The following DNAH17 variants were observed in gnomAD, a reference collection of about 807,000 sequenced individuals.
DNAH17 encodes dynein axonemal heavy chain 17, also known as axonemal beta dynein heavy chain 17.
A neutral mutation model predicts 485.6 loss-of-function variants in DNAH17; 376 were observed. That is an observed-to-expected ratio of 0.77 (90% CI 0.71 to 0.84). DNAH17 has a LOEUF of 0.84. Ranked by LOEUF, DNAH17 falls within the 40% of genes least tolerant of loss-of-function variation. The pLI is 0.00. For missense variants in DNAH17, 6,370 were observed against 5,839.3 expected (o/e 1.09, Z -2.96); for synonymous variants, 3,031 against 2,405.9 (o/e 1.26, Z -7.60).
chr17:78,555,930 A>C (rs1455102463), intron 14 of DNAH17, among the ~76,000 whole-genome samples: 1 of 152,184 alleles, frequency 6.6e-6, no homozygotes, highest in African/African-American at 2.4e-5. Context: ...GATTTACACC[A>C]TCTGTTCCCC....
At position 78,470,013 on chromosome 17, in the gene DNAH17, G is replaced by C. The variant is rs115305547; in HGVS notation, c.8512-1130C>G. On this transcript the variant is annotated intron_variant, in intron 54 of 80. Transcript: ENST00000389840. ...ACAGTGGTGATGGTCACACAACAGT[G>C]TGAATGTGCTTCATGCCACCGAACT... Among the ~76,000 whole-genome samples, 985 of 150,502 alleles carry C rather than the reference G, an allele frequency of 6.5e-3. 12 individuals carry two copies. Among genetic ancestry groups the C allele is most frequent in the African/African-American group, 0.022 (899 of 41,096 alleles).
At position 78,495,095 on chromosome 17, in the gene DNAH17, G is replaced by A; in HGVS notation, c.5906C>T (p.Pro1969Leu). 3 of 1,603,626 alleles carry A rather than the reference G, an allele frequency of 1.9e-6. No individual in the cohort carries two copies. Among genetic ancestry groups the A allele is most frequent in the Non-Finnish European group, 2.6e-6 (3 of 1,174,768 alleles). ...GAAGTCGGGGACGACCATGGCACAG[G>A]GCCTGGGGAGGTCAGCGGTGCCTGT... ...LPENLKALFR[P>L]CAMVVPDFEL... is the part of the protein sequence containing the mutation. The change falls in exon 39 of 81, where the codon CCC (proline) becomes CTC (leucine). Residue 1969 changes from proline (P) to leucine (L), a missense_variant and splice_region_variant. Coordinates refer to ENST00000389840, the MANE Select transcript of DNAH17 (RefSeq NM_173628.4).
At chr17:78,478,226 T>TCACCATCAC (rs2089168789) in intron 51 of DNAH17, among the ~76,000 whole-genome samples, 1 of 87,858 alleles carries the variant, frequency 1.1e-5, no homozygotes, top group Non-Finnish European at 2.2e-5. Flanking sequence ...CATCACCACA[T>TCACCATCAC]CACCATCACC....
At chr17:78,428,264 TC>T in intron 77 of DNAH17, 1 of 520,678 alleles carries the variant, frequency 1.9e-6, no homozygotes, top group Admixed American at 3.1e-5. Flanking sequence ...GCTGGGATGC[TC>T]TTGGAGCCGC....
intron 14 of DNAH17, among the ~76,000 whole-genome samples, chr17:78,554,222 T>A (rs2091969675): frequency 6.6e-6 from 1 of 151,952 alleles, no homozygotes; most frequent in South Asian, 2.1e-4. Context: ...GGCAGATCAC[T>A]TAAGGTCAGG....
chr17:78,499,300 G>A (rs560115319), intron 36 of DNAH17, 188 bp from the exon 37 acceptor site: 3 of 428,822 alleles, frequency 7.0e-6, no homozygotes, highest in East Asian at 7.2e-5. Flanking sequence ...ACCGTGGAGG[G>A]CTGGACACGA....
chr17:78,558,536 T>TGACATCACCCTCATGGGTGGAG (rs2092080446), intron 13 of DNAH17, among the ~76,000 whole-genome samples: 2 of 151,496 alleles, frequency 1.3e-5, no homozygotes, highest in Non-Finnish European at 2.9e-5. Context: ...CATGGGTGGA[T>TGACATCACCCTCATGGGTGGAG]GACATCATCA....
chr17:78,506,918 G>A (rs553842890), intron 29 of DNAH17, 72 bp from the exon 30 acceptor site: 102 of 1,588,832 alleles, frequency 6.4e-5, no homozygotes, highest in South Asian at 3.7e-4. Context: ...CCACCCTGTC[G>A]GCGAAGGAAA....
At chr17:78,503,361 AT>A (rs1206579768) in intron 31 of DNAH17, among the ~76,000 whole-genome samples, 1 of 80,268 alleles carries the variant, frequency 1.2e-5, no homozygotes, top group Non-Finnish European at 2.6e-5. Context: ...TTTTTTTTGT[AT>A]TTTTACTAGA....
Position 78,535,720 on chromosome 17 carries a change from T to C in DNAH17, c.2859+1579A>G, listed in dbSNP as rs181065829. 1.8e-3 allele frequency among the ~76,000 whole-genome samples: 276 copies of C among 152,288 alleles called. 1 individual carries two copies. The highest frequency in any genetic ancestry group is 5.9e-3 in the African/African-American group (247 of 41,564). ...TCCTTCCTCCCTTCCTGGTAAGCAC[T>C]CACCCAGATTTTTGCTTGTTTAAGC... On this transcript the variant is annotated intron_variant, in intron 19 of 80. Transcript: ENST00000389840.
At chr17:78,428,740 A>G in intron 76 of DNAH17, 33 bp from the exon 77 acceptor site, 1 of 1,611,398 alleles carries the variant, frequency 6.2e-7, no homozygotes, top group South Asian at 1.1e-5. Context: ...AGCAGAGGCA[A>G]AGCTGTGCAG....
chr17:78,544,231 A>T (rs2143486930), intron 16 of DNAH17, among the ~76,000 whole-genome samples: 1 of 152,324 alleles, frequency 6.6e-6, no homozygotes, highest in East Asian at 1.9e-4. Context: ...GCCTAGGGGA[A>T]CCACAGAAAG....
At chr17:78,459,310 G>T (rs1215492405) in intron 60 of DNAH17, 102 bp from the exon 61 acceptor site, 7 of 1,131,132 alleles carry the variant, frequency 6.2e-6, no homozygotes, top group Non-Finnish European at 9.2e-6. Flanking sequence ...CAGCTCTGGA[G>T]GGGCAGCGCT....
chr17:78,552,093 TTC>T (rs1409503625), intron 15 of DNAH17, among the ~76,000 whole-genome samples: 1 of 152,066 alleles, frequency 6.6e-6, no homozygotes, highest in African/African-American at 2.4e-5. Flanking sequence ...TCGCTGGGCG[TTC>T]TCTGAAATGA....
rs370756096 is a variant in DNAH17, at chr17:78,425,185, G to A, written c.13141+161C>T. On this transcript the variant is annotated intron_variant, in intron 80 of 80. Coordinates refer to ENST00000389840, the MANE Select transcript of DNAH17 (RefSeq NM_173628.4). The stretch of plus-strand genomic sequence containing the variant: ...CCTCTCAACCCTCTCTAGGGTCAGC[G>A]TGGCTCTGACCTGCAGGCTGATGCC... 2.5e-5 allele frequency: 17 copies of A among 676,618 alleles called. No individual in the cohort carries two copies. In the Admixed American group the frequency reaches 3.7e-4, roughly 15 times the overall value. The allele number at this position is 676,618 out of a possible 1,614,324, so 41.9% of individuals were successfully genotyped here. A position where few individuals can be genotyped will look rare whatever the true frequency, so the allele number is the denominator to read the frequency against.
chr17:78,539,835 T>G lies in DNAH17; in HGVS notation c.2578A>C (p.Lys860Gln), dbSNP rs539671696. ...FRADTLSLPW[K>Q]DYVIYIDDMV... ...TCGTCAATGTAGATGACATAATCCT[T>G]CCAGGGCAGGCTCAGTGTGTCTGCC... The change falls in exon 18 of 81, where the codon AAG becomes CAG. Residue 860 changes from lysine (K) to glutamine (Q), a missense_variant. By Grantham distance (53) the Lys-to-Gln change is moderately conservative. Coordinates refer to ENST00000389840, the MANE Select transcript of DNAH17 (RefSeq NM_173628.4). The G allele has an allele frequency of 6.2e-7, 1 of 1,611,098 alleles. No homozygotes were observed. Among genetic ancestry groups the G allele is most frequent in the African/African-American group, 1.3e-5 (1 of 74,844 alleles).
intron 19 of DNAH17, 158 bp from the exon 20 acceptor site, chr17:78,532,894 C>A: frequency 1.2e-6 from 1 of 852,528 alleles, no homozygotes; most frequent in East Asian, 2.8e-5. Context: ...CCGATCACCC[C>A]TCTTTAGGCA....
At chr17:78,427,930 C>T (rs936180332) in intron 77 of DNAH17, among the ~76,000 whole-genome samples, 3 of 143,064 alleles carry the variant, frequency 2.1e-5, no homozygotes, top group African/African-American at 7.8e-5. Context: ...CGTGCCATTG[C>T]ACTCCAGCCT....
Position 78,501,252 on chromosome 17 carries a change from G to T in DNAH17, c.5415C>A (p.Ala1805=). The change falls in exon 35 of 81, where the codon GCC becomes GCA. Residue 1805 remains alanine, a synonymous_variant. Transcript: ENST00000389840. ...KRHCFANICD[A]QIQYSYEYLG... is the part of the protein sequence containing the mutation. ...GATACTCATAGGAATACTGGATTTG[G>T]GCATCGCAGATGTTGGCAAAGCAGT... is the stretch of plus-strand genomic sequence containing the variant. 1.2e-6 allele frequency: 2 copies of T among 1,608,900 alleles called. No homozygotes were observed. The highest frequency in any genetic ancestry group is 1.7e-4 in the Middle Eastern group (1 of 6,046).
Sources: gnomAD v4.1 joint callset for allele counts (sites outside exome capture counted in the v4.1 genomes callset) on GRCh38, gnomAD v4.1.1 for gene constraint, MANE v1.5 for transcripts, NCBI Gene and HGNC (gene_info 2026-07-23, HGNC 2026-07-21) for gene names.